RNGTT: variants seen among roughly 807,000 people sequenced by gnomAD.
RNGTT encodes the protein RNA guanylyltransferase and 5'-phosphatase.
RNGTT carries 33 observed loss-of-function variants against 79.3 expected under a neutral mutation model. That is an observed-to-expected ratio of 0.42 (90% CI 0.32 to 0.56). The LOEUF is 0.56. Ranked by LOEUF, RNGTT falls within the 20% of genes least tolerant of loss-of-function variation. The pLI is 0.17. For missense variants in RNGTT, 497 were observed against 739.1 expected (o/e 0.67, Z 3.80); for synonymous variants, 222 against 235.9 (o/e 0.94, Z 0.54).
intron 13 of RNGTT, among the ~76,000 whole-genome samples, chr6:88,768,372 T>C (rs553723505): frequency 2.6e-5 from 4 of 152,134 alleles, no homozygotes; most frequent in African/African-American, 9.7e-5. Context: ...CCTCCCAAAG[T>C]GCTGGAATTA....
intron 11 of RNGTT, among the ~76,000 whole-genome samples, chr6:88,808,955 T>TAA (rs879329656): frequency 2.1e-5 from 3 of 140,352 alleles, no homozygotes; most frequent in African/African-American, 2.6e-5. Flanking sequence ...AGATCCCTCT[T>TAA]AAAAAAAAAA....
intron 14 of RNGTT, among the ~76,000 whole-genome samples, chr6:88,669,882 T>G (rs1774564565): frequency 6.6e-6 from 1 of 152,214 alleles, no homozygotes; most frequent in Non-Finnish European, 1.5e-5. Flanking sequence ...AATCATATAG[T>G]ACTATGGGCC....
intron 10 of RNGTT, among the ~76,000 whole-genome samples, chr6:88,848,372 T>A (rs1044796926): frequency 3.9e-5 from 6 of 151,954 alleles, no homozygotes; most frequent in Non-Finnish European, 7.4e-5. Context: ...TGAGAACAAC[T>A]GTCCTAGCGA....
intron 13 of RNGTT, among the ~76,000 whole-genome samples, chr6:88,717,411 C>A (rs1334992378): frequency 6.6e-6 from 1 of 152,176 alleles, no homozygotes; most frequent in Admixed American, 6.5e-5. Context: ...AAGAAATACG[C>A]ACCTATTTTT....
intron 13 of RNGTT, among the ~76,000 whole-genome samples, chr6:88,697,891 T>A (rs868579627): frequency 5.6e-5 from 5 of 88,718 alleles, no homozygotes; most frequent in African/African-American, 1.3e-4. Context: ...ATATATATGA[T>A]ATATATATAT....
At chr6:88,679,361 C>T (rs1400579033) in intron 13 of RNGTT, among the ~76,000 whole-genome samples, 1 of 151,990 alleles carries the variant, frequency 6.6e-6, no homozygotes, top group Non-Finnish European at 1.5e-5. Context: ...TACACAATGT[C>T]CTGAGAAAAA....
chr6:88,911,511 T>C (rs1783829267), intron 4 of RNGTT, among the ~76,000 whole-genome samples: 2 of 151,974 alleles, frequency 1.3e-5, no homozygotes, highest in East Asian at 1.9e-4. Flanking sequence ...CTAAAGCAAG[T>C]CTCAATAAAT....
At chr6:88,741,275 A>G (rs572220448) in intron 13 of RNGTT, among the ~76,000 whole-genome samples, 4 of 152,342 alleles carry the variant, frequency 2.6e-5, no homozygotes, top group Admixed American at 1.3e-4. Flanking sequence ...ATAAAAAAGA[A>G]GGAAATCATG....
At chr6:88,720,025 C>T (rs189567294) in intron 13 of RNGTT, among the ~76,000 whole-genome samples, 2 of 152,246 alleles carry the variant, frequency 1.3e-5, no homozygotes, top group African/African-American at 4.8e-5. Flanking sequence ...CTGTGGCTAG[C>T]GGTTTAGAGG....
chr6:88,961,795 T>C (rs1185006737), intron 1 of RNGTT, among the ~76,000 whole-genome samples: 1 of 152,214 alleles, frequency 6.6e-6, no homozygotes, highest in East Asian at 1.9e-4. Flanking sequence ...ATTCCTCTCC[T>C]AGAGACTTAC....
intron 13 of RNGTT, among the ~76,000 whole-genome samples, chr6:88,763,649 G>A (rs1028697183): frequency 2.0e-5 from 3 of 152,268 alleles, no homozygotes; most frequent in South Asian, 4.1e-4. Context: ...TAAAGAGGAA[G>A]TATAAAGTTC....
At chr6:88,878,250 C>T (rs1782582867) in intron 8 of RNGTT, among the ~76,000 whole-genome samples, 1 of 151,982 alleles carries the variant, frequency 6.6e-6, no homozygotes, top group Admixed American at 6.6e-5. Flanking sequence ...TGCAAGCCAC[C>T]ACACCTGGCT....
chr6:88,794,614 T>A (rs1475691599), intron 12 of RNGTT, among the ~76,000 whole-genome samples: 1 of 152,056 alleles, frequency 6.6e-6, no homozygotes, highest in East Asian at 1.9e-4. Flanking sequence ...AGCCCATAGA[T>A]TTTTGTGAGG....
At position 88,913,601 on chromosome 6, in the gene RNGTT, C is replaced by T. The variant is rs191937154; in HGVS notation, c.368-7161G>A. On this transcript the variant is annotated intron_variant, in intron 4 of 15. Transcript: ENST00000369485. ...TTTAACACATAAACAGAATTCAAAA[C>T]AAAAACCACATGATCATCTCAATGG... Among the ~76,000 whole-genome samples, 366 of 152,282 alleles carry T rather than the reference C, an allele frequency of 2.4e-3. 4 individuals are homozygous for T. Among genetic ancestry groups the T allele is most frequent in the Middle Eastern group, 0.01 (3 of 294 alleles).
At chr6:88,872,673 T>C (rs1782394416) in intron 8 of RNGTT, among the ~76,000 whole-genome samples, 1 of 152,170 alleles carries the variant, frequency 6.6e-6, no homozygotes, top group Non-Finnish European at 1.5e-5. Flanking sequence ...GGGGTAATTT[T>C]AGGGTAATTT....
chr6:88,843,288 C>A (rs1324022698), intron 11 of RNGTT, among the ~76,000 whole-genome samples: 1 of 151,828 alleles, frequency 6.6e-6, no homozygotes, highest in African/African-American at 2.4e-5. Flanking sequence ...TTCTACTTAC[C>A]CTGAAGAAAT....
chr6:88,688,205 CAA>C (rs1343829374), intron 13 of RNGTT, among the ~76,000 whole-genome samples: 1 of 152,014 alleles, frequency 6.6e-6, no homozygotes, highest in Non-Finnish European at 1.5e-5. Context: ...ATTTAACAAA[CAA>C]ATATATCATG....
rs887353970 is a variant in RNGTT, at chr6:88,951,576, G to A, written c.65-10396C>T. Among the ~76,000 whole-genome samples, 4 of 152,134 alleles carry A rather than the reference G, an allele frequency of 2.6e-5. No homozygotes were observed. In the South Asian group the frequency reaches 6.2e-4, roughly 24 times the overall value. On this transcript the variant is annotated intron_variant, in intron 1 of 15. Transcript: ENST00000369485. ...GTGCTGTAAATTCCACGAGACAGGC[G>A]AAAAACCATGAGCTCCCAAAGTGTG...
At chr6:88,951,567 G>A (rs763976081) in intron 1 of RNGTT, among the ~76,000 whole-genome samples, 12 of 152,124 alleles carry the variant, frequency 7.9e-5, no homozygotes, top group Non-Finnish European at 8.8e-5. Flanking sequence ...TAAATTCCAC[G>A]AGACAGGCGA....
Sources: gnomAD v4.1 joint callset for allele counts (sites outside exome capture counted in the v4.1 genomes callset) on GRCh38, gnomAD v4.1.1 for gene constraint, MANE v1.5 for transcripts, NCBI Gene and HGNC (gene_info 2026-07-23, HGNC 2026-07-21) for gene names.